The following STXBP3 variants were observed in gnomAD, a reference collection of about 807,000 sequenced individuals.
STXBP3 encodes syntaxin binding protein 3.
In STXBP3, 41 loss-of-function variants were observed where a neutral mutation model predicts 85.7. The ratio of observed to expected loss-of-function variants is 0.48; its 90% CI spans 0.37 to 0.62. The LOEUF (loss-of-function observed/expected upper bound fraction) is 0.62. STXBP3 is among the 20% of genes least tolerant of loss of function. The probability of loss-of-function intolerance (pLI) is 0.00; values close to 1 mark genes in which losing one functional copy is unlikely to be tolerated. For synonymous variants in STXBP3, 229 were observed against 231.7 expected (o/e 0.99, Z 0.10); for missense variants, 563 against 703.1 (o/e 0.80, Z 2.25).
At chr1:108,747,243 T>C (rs1661809763) in intron 1 of STXBP3, among the ~76,000 whole-genome samples, 1 of 132,182 alleles carries the variant, frequency 7.6e-6, no homozygotes, top group Non-Finnish European at 1.7e-5. Context: ...GGACTGTTTA[T>C]TCTGCTTATT....
rs561536559 is a variant in STXBP3, at chr1:108,798,252, A to C, written c.1449+15A>C. The C allele has an allele frequency of 8.1e-4, 1,284 of 1,594,948 alleles. 19 individuals carry two copies. In the South Asian group the frequency reaches 0.013, roughly 17 times the overall value. On this transcript the variant is annotated intron_variant, in intron 16 of 18. Transcript: ENST00000370008. ...ATATTATGGAGGTAAAAATCATTAA[A>C]ATGTTTTTTTCTACCTGAGTGCCCT... is the stretch of plus-strand genomic sequence containing the variant.
chr1:108,792,686 G>A (rs1366700871), intron 11 of STXBP3, among the ~76,000 whole-genome samples: 1 of 152,044 alleles, frequency 6.6e-6, no homozygotes, highest in African/African-American at 2.4e-5. Context: ...ATGTTTTATT[G>A]TGCTAGACAT....
rs770397638 is a variant in STXBP3 at position 108,793,659 on chromosome 1, T to A, written c.1029+12T>A. 14 of 1,602,320 alleles carry A rather than the reference T, an allele frequency of 8.7e-6. No individual in the cohort carries two copies. Among genetic ancestry groups the A allele is most frequent in the Non-Finnish European group, 1.2e-5 (14 of 1,171,462 alleles). ...AACAGATTACTAAGGTAAGCAGTATTGTATATGAGATACCTGATTAGTTTT... is the reference window on the plus strand; with the variant it reads ...AACAGATTACTAAGGTAAGCAGTATAGTATATGAGATACCTGATTAGTTTT... On this transcript the variant is annotated intron_variant, in intron 12 of 18. Transcript: ENST00000370008.
chr1:108,784,515 C>T (rs746452792), intron 11 of STXBP3, among the ~76,000 whole-genome samples: 16 of 152,220 alleles, frequency 1.1e-4, no homozygotes, highest in Non-Finnish European at 2.1e-4. Context: ...CTGCCCTTGA[C>T]ATGTGGAGAT....
At chr1:108,797,187 T>C (rs144218741) in intron 15 of STXBP3, among the ~76,000 whole-genome samples, 41 of 151,884 alleles carry the variant, frequency 2.7e-4, no homozygotes, top group Middle Eastern at 3.4e-3. Flanking sequence ...AGACCTCGCC[T>C]CTACAAAAAA....
chr1:108,757,605 A>ATG (rs929494888), intron 4 of STXBP3, among the ~76,000 whole-genome samples: 4 of 151,954 alleles, frequency 2.6e-5, no homozygotes, highest in Non-Finnish European at 4.4e-5. Context: ...ATGGGTATGT[A>ATG]TGTGTGTGTG....
intron 1 of STXBP3, among the ~76,000 whole-genome samples, chr1:108,751,114 A>G (rs1157037894): frequency 6.6e-6 from 1 of 152,148 alleles, no homozygotes; most frequent in Non-Finnish European, 1.5e-5. Flanking sequence ...ATTGAACTCA[A>G]TCTCCAGTCC....
At position 108,746,773 on chromosome 1, in the gene STXBP3, C is replaced by A; in HGVS notation, c.36C>A (p.Ser12Arg). 6.5e-7 allele frequency: 1 copy of A among 1,550,056 alleles called. No individual in the cohort carries two copies. The highest frequency in any genetic ancestry group is 8.7e-7 in the Non-Finnish European group (1 of 1,146,500). The change falls in exon 1 of 19, where the codon AGC (serine) becomes AGA (arginine). Residue 12 changes from serine to arginine, a missense_variant. Physicochemically the swap from Ser to Arg is moderately radical, Grantham distance 110. Around this residue, in one of 3 missense-constraint regions of STXBP3, gnomAD observed 37 missense variants for 39.7 expected, o/e 0.93. Transcript: ENST00000370008. ...APPVAERGLK[S>R]VVWQKIKATV... ...CGGTGGCAGAGAGGGGGCTAAAGAG[C>A]GTCGTGTGGCAGAGTGAGTGCGGTG...
At chr1:108,758,412 T>C in intron 4 of STXBP3, 98 bp from the exon 5 acceptor site, 1 of 596,824 alleles carries the variant, frequency 1.7e-6, no homozygotes, top group East Asian at 3.5e-5. Flanking sequence ...TAAAGTTTTA[T>C]TTTGTCACTG....
chr1:108,774,663 A>C (rs1164774827), intron 7 of STXBP3, among the ~76,000 whole-genome samples: 1 of 43,412 alleles, frequency 2.3e-5, no homozygotes, highest in Non-Finnish European at 4.5e-5. Context: ...TTTTTTTTTG[A>C]GATGGGGGTC....
chr1:108,788,333 G>C (rs1219485715), intron 11 of STXBP3, among the ~76,000 whole-genome samples: 2 of 152,126 alleles, frequency 1.3e-5, no homozygotes, highest in Non-Finnish European at 2.9e-5. Flanking sequence ...ATATTTATGA[G>C]AAATACTTTT....
At chr1:108,797,726 T>G (rs2101134211) in intron 15 of STXBP3, among the ~76,000 whole-genome samples, 1 of 151,380 alleles carries the variant, frequency 6.6e-6, no homozygotes, top group East Asian at 1.9e-4. Context: ...TTTTTTTGTG[T>G]GTATGTGTGT....
At chr1:108,754,185 A>G (rs1661970553) in intron 3 of STXBP3, among the ~76,000 whole-genome samples, 1 of 152,020 alleles carries the variant, frequency 6.6e-6, no homozygotes, top group South Asian at 2.1e-4. Context: ...GGCACACACT[A>G]GCACACCCAG....
chr1:108,800,461 A>G (rs1283792196), intron 17 of STXBP3, among the ~76,000 whole-genome samples, 156 bp downstream of exon 17: 1 of 152,240 alleles, frequency 6.6e-6, no homozygotes, highest in Non-Finnish European at 1.5e-5. Flanking sequence ...CCAGATAAGC[A>G]ATATGAAAAT....
chr1:108,804,716 T>G (rs1258664734), intron 17 of STXBP3, among the ~76,000 whole-genome samples: 1 of 152,214 alleles, frequency 6.6e-6, no homozygotes, highest in African/African-American at 2.4e-5. Context: ...GTAGTATGAT[T>G]AATACCTAAG....
intron 6 of STXBP3, among the ~76,000 whole-genome samples, chr1:108,768,467 A>G (rs1662315909): frequency 6.6e-6 from 1 of 152,202 alleles, no homozygotes; most frequent in Non-Finnish European, 1.5e-5. Context: ...TTTATAAGGT[A>G]GTAATGAAGA....
chr1:108,775,548 A>G lies in STXBP3; in HGVS notation c.594-785A>G, dbSNP rs1570760383. On this transcript the variant is annotated intron_variant, in intron 7 of 18. Coordinates refer to ENST00000370008, the MANE Select transcript of STXBP3 (RefSeq NM_007269.4). ...TGTACCCATTACCCATCCCCACTAA[A>G]CAGTCACCCACCACTCCTGCCCCTT... 2.0e-5 allele frequency among the ~76,000 whole-genome samples: 3 copies of G among 151,964 alleles called. No homozygotes were observed. The East Asian group carries it at 5.8e-4, about 29-fold the overall frequency.
intron 11 of STXBP3, among the ~76,000 whole-genome samples, chr1:108,790,421 A>G (rs1426087987): frequency 6.6e-6 from 1 of 152,056 alleles, no homozygotes; most frequent in African/African-American, 2.4e-5. Flanking sequence ...TTTACATAGT[A>G]TATCTTTTCC....
chr1:108,787,858 C>T (rs1662892465), intron 11 of STXBP3, among the ~76,000 whole-genome samples: 1 of 151,850 alleles, frequency 6.6e-6, no homozygotes, highest in Non-Finnish European at 1.5e-5. Context: ...GGTGCAGTCT[C>T]AACTCACTGC....
Sources: gnomAD v4.1 joint callset for allele counts (sites outside exome capture counted in the v4.1 genomes callset) on GRCh38, gnomAD v4.1.1 for gene constraint, gnomAD v4.1.1 regional missense constraint, MANE v1.5 for transcripts, NCBI Gene and HGNC (gene_info 2026-07-23, HGNC 2026-07-21) for gene names.